The following XYLT1 variants were observed in gnomAD, a reference collection of about 807,000 sequenced individuals.
XYLT1 encodes the protein xylosyltransferase 1, also known as beta-D-xylosyltransferase 1.
A neutral mutation model predicts 91.3 loss-of-function variants in XYLT1; 36 were observed. The observed-to-expected ratio is 0.39, with a 90% confidence interval of 0.30 to 0.52. XYLT1 has a LOEUF of 0.52. XYLT1 is among the 20% of genes least tolerant of loss of function. XYLT1 has a pLI of 0.68. For missense variants in XYLT1, 1,242 were observed against 1,284.5 expected (o/e 0.97, Z 0.51); for synonymous variants, 588 against 532.0 (o/e 1.11, Z -1.45).
chr16:17,362,174 GATA>G (rs1330237019), intron 1 of XYLT1, among the ~76,000 whole-genome samples: 1 of 151,842 alleles, frequency 6.6e-6, no homozygotes, highest in African/African-American at 2.4e-5. Context: ...ACAATTTTTG[GATA>G]ATGTCTATCA....
At chr16:17,243,760 G>A (rs1269804540) in intron 3 of XYLT1, among the ~76,000 whole-genome samples, 1 of 152,154 alleles carries the variant, frequency 6.6e-6, no homozygotes, top group South Asian at 2.1e-4. Context: ...CTGGGGAGAG[G>A]GGTCTTCAGG....
intron 4 of XYLT1, among the ~76,000 whole-genome samples, 156 bp from the exon 5 acceptor site, chr16:17,198,570 T>C (rs564325569): frequency 6.2e-4 from 95 of 152,276 alleles, no homozygotes; most frequent in African/African-American, 2.1e-3. Flanking sequence ...CTGGAGTGTC[T>C]TTCTGTACTG....
chr16:17,228,538 G>T (rs954900773), intron 3 of XYLT1, among the ~76,000 whole-genome samples: 1 of 152,114 alleles, frequency 6.6e-6, no homozygotes, highest in Non-Finnish European at 1.5e-5. Context: ...CCTGTCTCAA[G>T]CAGCCAATAG....
chr16:17,201,664 G>A lies in XYLT1; in HGVS notation c.914-1010C>T, dbSNP rs530064694. Among the ~76,000 whole-genome samples, 7 of 152,034 alleles carry A rather than the reference G, an allele frequency of 4.6e-5. No homozygotes were observed. In the South Asian group the frequency reaches 1.5e-3, roughly 32 times the overall value. On this transcript the variant is annotated intron_variant, in intron 3 of 11. Coordinates refer to ENST00000261381, the MANE Select transcript of XYLT1 (RefSeq NM_022166.4). Reference sequence around the variant, plus strand: ...TAATTTTTGTGTTTTTAGTAGAGATGGGGTTTCATCATGTTGGCCAGGCTG... The same window carrying A: ...TAATTTTTGTGTTTTTAGTAGAGATAGGGTTTCATCATGTTGGCCAGGCTG...
intron 1 of XYLT1, among the ~76,000 whole-genome samples, chr16:17,461,082 G>A (rs542423157): frequency 2.0e-5 from 3 of 152,260 alleles, no homozygotes; most frequent in African/African-American, 4.8e-5. Flanking sequence ...AACATCACAC[G>A]ACCTGCCTCC....
chr16:17,200,129 G>A lies in XYLT1; in HGVS notation c.1086+353C>T, dbSNP rs556266581. Reference sequence around the variant, plus strand: ...CCAGCTACTTGGGAGGCTGAGGCAGGAAAATTGCTTGAACCCAGGAGGCAG... The same window carrying A: ...CCAGCTACTTGGGAGGCTGAGGCAGAAAAATTGCTTGAACCCAGGAGGCAG... On this transcript the variant is annotated intron_variant, in intron 4 of 11. Coordinates refer to ENST00000261381, the MANE Select transcript of XYLT1 (RefSeq NM_022166.4). 1.3e-4 allele frequency among the ~76,000 whole-genome samples: 19 copies of A among 151,628 alleles called. No homozygotes were observed. In the South Asian group the frequency reaches 1.5e-3, roughly 12 times the overall value.
chr16:17,160,747 A>G (rs921632747), intron 5 of XYLT1, among the ~76,000 whole-genome samples: 2 of 152,156 alleles, frequency 1.3e-5, no homozygotes, highest in African/African-American at 4.8e-5. Context: ...CGTGCATGCC[A>G]AGGTAAAGTC....
intron 2 of XYLT1, among the ~76,000 whole-genome samples, chr16:17,314,801 T>A (rs1338981167): frequency 6.6e-6 from 1 of 152,174 alleles, no homozygotes; most frequent in Non-Finnish European, 1.5e-5. Flanking sequence ...CAAAAAGGGA[T>A]GCTTTGTATT....
chr16:17,336,582 A>G (rs558642793), intron 2 of XYLT1, among the ~76,000 whole-genome samples: 1 of 152,142 alleles, frequency 6.6e-6, no homozygotes, highest in South Asian at 2.1e-4. Flanking sequence ...GTGTGCATGC[A>G]TGTGTGTGAG....
At chr16:17,171,521 C>T (rs1461394113) in intron 5 of XYLT1, among the ~76,000 whole-genome samples, 2 of 152,204 alleles carry the variant, frequency 1.3e-5, no homozygotes, top group African/African-American at 4.8e-5. Context: ...AGACTCTTTA[C>T]CCACAGATTT....
At chr16:17,146,262 G>A (rs2031129681) in intron 6 of XYLT1, among the ~76,000 whole-genome samples, 1 of 151,796 alleles carries the variant, frequency 6.6e-6, no homozygotes, top group Admixed American at 6.6e-5. Context: ...GTACACCTAA[G>A]TCATCACAAA....
At chr16:17,225,177 A>ACACACACTCT (rs150256998) in intron 3 of XYLT1, among the ~76,000 whole-genome samples, 67 of 147,460 alleles carry the variant, frequency 4.5e-4, no homozygotes, top group South Asian at 2.7e-3. Context: ...ACACACACAC[A>ACACACACTCT]CTCTCTCTCT....
chr16:17,136,415 G>A (rs1237972505), intron 8 of XYLT1, among the ~76,000 whole-genome samples: 3 of 152,158 alleles, frequency 2.0e-5, no homozygotes, highest in Non-Finnish European at 4.4e-5. Flanking sequence ...CCTCTCTGTG[G>A]TGGGGAGCAC....
intron 3 of XYLT1, among the ~76,000 whole-genome samples, chr16:17,256,741 CT>C (rs2033639137): frequency 6.6e-6 from 1 of 152,120 alleles, no homozygotes; most frequent in Non-Finnish European, 1.5e-5. Flanking sequence ...TCTTGCTGCA[CT>C]TCCTTTCTTC....
intron 1 of XYLT1, among the ~76,000 whole-genome samples, chr16:17,455,603 T>TAAA (rs1450430502): frequency 3.3e-5 from 5 of 151,538 alleles, no homozygotes; most frequent in Non-Finnish European, 5.9e-5. Flanking sequence ...AATAAATAAA[T>TAAA]AAATAAATAA....
intron 2 of XYLT1, chr16:17,338,629 C>T (rs983578300): frequency 2.6e-6 from 1 of 384,458 alleles, no homozygotes. Flanking sequence ...CACATTCACC[C>T]TTTTTTTTGG....
chr16:17,116,588 A>G (rs925310137), intron 11 of XYLT1, among the ~76,000 whole-genome samples: 5 of 152,218 alleles, frequency 3.3e-5, no homozygotes, highest in African/African-American at 1.2e-4. Flanking sequence ...TCAGGCAATC[A>G]GACCGTTTCT....
chr16:17,297,035 C>G (rs543948483), intron 2 of XYLT1, among the ~76,000 whole-genome samples: 55 of 152,298 alleles, frequency 3.6e-4, no homozygotes, highest in African/African-American at 1.2e-3. Flanking sequence ...CTCTTGTGAG[C>G]TAGACATTGT....
intron 2 of XYLT1, among the ~76,000 whole-genome samples, chr16:17,290,025 T>C (rs1400634306): frequency 1.3e-5 from 2 of 152,276 alleles, no homozygotes; most frequent in Non-Finnish European, 2.9e-5. Flanking sequence ...ATTTCATTTT[T>C]TCCATCTCTT....
Sources: allele counts gnomAD v4.1 joint callset (sites outside exome capture counted in the v4.1 genomes callset), GRCh38; gene constraint gnomAD v4.1.1; transcripts MANE v1.5; gene names NCBI Gene and HGNC (gene_info 2026-07-23, HGNC 2026-07-21).